The following POLI variants were observed in gnomAD, a reference collection of about 807,000 sequenced individuals.
The protein encoded by POLI is RAD30 homolog B.
In POLI, 58 loss-of-function variants were observed where a neutral mutation model predicts 51.6. The observed-to-expected ratio is 1.12, with a 90% CI of 0.91 to 1.40. The LOEUF (loss-of-function observed/expected upper bound fraction) is 1.40, where lower values mean the gene tolerates loss of function less well. Ranked by LOEUF, POLI falls within the 40% of genes most tolerant of loss-of-function variation. POLI has a pLI of 0.00. For synonymous variants in POLI, 322 were observed against 299.7 expected (o/e 1.07, Z -0.77); for missense variants, 921 against 871.3 (o/e 1.06, Z -0.72).
chr18:54,288,864 T>G (rs2087866519), intron 8 of POLI, among the ~76,000 whole-genome samples: 1 of 152,192 alleles, frequency 6.6e-6, no homozygotes, highest in Non-Finnish European at 1.5e-5. Context: ...TATTTTACTT[T>G]AATTCTTTAA....
At chr18:54,289,140 G>A (rs2087878739) in intron 8 of POLI, among the ~76,000 whole-genome samples, 3 of 147,288 alleles carry the variant, frequency 2.0e-5, no homozygotes, top group South Asian at 2.1e-4. Context: ...TTGTCTGAAC[G>A]TAATCTGCAG....
chr18:54,287,684 ATTC>A (rs3730776), intron 8 of POLI: 14,126 of 225,920 alleles, frequency 0.063, 559 homozygotes, highest in African/African-American at 0.09. Flanking sequence ...GGCTCAAACA[ATTC>A]TTCTGCCCCA....
chr18:54,306,552 C>T (rs2088589515), intron 3 of POLI, among the ~76,000 whole-genome samples: 1 of 152,240 alleles, frequency 6.6e-6, no homozygotes, highest in African/African-American at 2.4e-5. Flanking sequence ...GTGTGTGTCT[C>T]TGCTAGCCTT....
At chr18:54,279,766 A>G (rs3730736) in intron 4 of POLI, among the ~76,000 whole-genome samples, 163 of 152,236 alleles carry the variant, frequency 1.1e-3, no homozygotes, top group Non-Finnish European at 2.0e-3. Flanking sequence ...ATTTATTTTT[A>G]TATAATTTTC....
At chr18:54,286,993 A>G (rs3730767) in intron 7 of POLI, among the ~76,000 whole-genome samples, 27,622 of 152,066 alleles carry the variant, frequency 0.18, 2,699 homozygotes, top group Middle Eastern at 0.25. Context: ...TCTGTATTAT[A>G]AAACAGTTTG....
chr18:54,286,246 G>A (rs3730763), intron 7 of POLI, among the ~76,000 whole-genome samples: 1 of 151,984 alleles, frequency 6.6e-6, no homozygotes, highest in Non-Finnish European at 1.5e-5. Flanking sequence ...TTTGAGATTT[G>A]GTTTTATATG....
At chr18:54,287,164 A>G (rs686881) in intron 7 of POLI, 117 bp from the exon 8 acceptor site, 38,011 of 624,068 alleles carry the variant, frequency 0.061, 1,392 homozygotes, top group African/African-American at 0.089. Flanking sequence ...GTTATCTGCT[A>G]TATGTATAAT....
chr18:54,302,157 GTTATGT>G (rs1295526365), downstream of POLI, among the ~76,000 whole-genome samples: 6 of 152,110 alleles, frequency 3.9e-5, no homozygotes, highest in Non-Finnish European at 8.8e-5. Flanking sequence ...TTTGGGGCTG[GTTATGT>G]TTATCAAATA....
At position 54,280,796 on chromosome 18, in the gene POLI, T is replaced by G; in HGVS notation, c.689T>G (p.Leu230Trp). ...GCTGGAGTGGCTTCTAATAAACTGTTGGCAAAATTAGTTTCTGGTGTCTTT... is the reference window on the plus strand; with the variant it reads ...GCTGGAGTGGCTTCTAATAAACTGTGGGCAAAATTAGTTTCTGGTGTCTTT... ...GCAGVASNKLLAKLVSGVFKP... is the reference protein window; with the variant it reads ...GCAGVASNKLWAKLVSGVFKP... Residue 230 changes from leucine (L) to tryptophan (W), a missense_variant, in exon 5 of 10, where the codon TTG (leucine) becomes TGG (tryptophan). Transcript: ENST00000579534. 1.2e-6 allele frequency: 2 copies of G among 1,613,860 alleles called. No homozygotes were observed. The highest frequency in any genetic ancestry group is 4.5e-5 in the East Asian group (2 of 44,882).
At chr18:54,317,883 C>A (rs2088754573) in intron 3 of POLI, among the ~76,000 whole-genome samples, 1 of 152,070 alleles carries the variant, frequency 6.6e-6, no homozygotes, top group African/African-American at 2.4e-5. Context: ...TTATAAATTG[C>A]TGTCTTTGGT....
chr18:54,283,402 T>C (rs568850062), intron 6 of POLI, among the ~76,000 whole-genome samples: 2 of 152,240 alleles, frequency 1.3e-5, no homozygotes, highest in African/African-American at 4.8e-5. Flanking sequence ...ACAAGCACTT[T>C]ACTGAGTGCT....
At chr18:54,301,390 A>C (rs73487926), downstream of POLI, among the ~76,000 whole-genome samples, 880 of 152,336 alleles carry the variant, frequency 5.8e-3, 7 homozygotes, top group African/African-American at 0.02. Flanking sequence ...ACATTTATAC[A>C]AAAGTCCACA....
At chr18:54,269,881 A>G (rs1209921695) in intron 1 of POLI, 13 of 1,287,102 alleles carry the variant, frequency 1.0e-5, no homozygotes, top group Non-Finnish European at 1.3e-5. Context: ...CCACACTACA[A>G]ATACGTGTCG....
At chr18:54,274,156 AT>A in intron 3 of POLI, 66 bp downstream of exon 3, 1 of 750,192 alleles carries the variant, frequency 1.3e-6, no homozygotes, top group Non-Finnish European at 1.9e-6. Flanking sequence ...CATTACATGA[AT>A]TTTTTAATAA....
At chr18:54,304,822 A>C (rs1289476968) in intron 3 of POLI, among the ~76,000 whole-genome samples, 1 of 152,242 alleles carries the variant, frequency 6.6e-6, no homozygotes, top group Non-Finnish European at 1.5e-5. Flanking sequence ...TGTTTTAGAC[A>C]TGAAGTCCTT....
At chr18:54,310,693 T>C (rs769735086) in intron 3 of POLI, among the ~76,000 whole-genome samples, 1 of 152,160 alleles carries the variant, frequency 6.6e-6, no homozygotes, top group East Asian at 1.9e-4. Flanking sequence ...TCCTCAAATA[T>C]TGAAAAAATC....
intron 3 of POLI, among the ~76,000 whole-genome samples, chr18:54,315,275 A>G (rs561773962): frequency 1.4e-4 from 22 of 152,060 alleles, no homozygotes; most frequent in Middle Eastern, 3.4e-3. Context: ...TGGTTTTGAG[A>G]GATTTTTTGG....
Position 54,295,391 on chromosome 18 carries a change from C to G in POLI, c.*924C>G. 1 of 980,332 alleles carries G rather than the reference C, an allele frequency of 1.0e-6. No individual in the cohort carries two copies. Among genetic ancestry groups the G allele is most frequent in the Non-Finnish European group, 1.2e-6 (1 of 825,332 alleles). 60.7% of individuals were successfully genotyped at this position (980,332 alleles called of 1,614,324 possible). On this transcript the variant is annotated 3_prime_UTR_variant, in exon 10 of 10. Coordinates refer to ENST00000579534, the MANE Select transcript of POLI (RefSeq NM_007195.3). ...CCATTGTTATTGCCTTCCTCTTTTG[C>G]CTGCTAAACTAAAAATTGGATATAA...
intron 8 of POLI, among the ~76,000 whole-genome samples, chr18:54,290,675 T>G (rs1954656420): frequency 1.3e-5 from 2 of 152,152 alleles, no homozygotes. Context: ...TCATGTCCTT[T>G]GCAAGGACAT....
Sources: allele counts gnomAD v4.1 joint callset (sites outside exome capture counted in the v4.1 genomes callset), GRCh38; gene constraint gnomAD v4.1.1; transcripts MANE v1.5; gene names NCBI Gene and HGNC (gene_info 2026-07-23, HGNC 2026-07-21).